The following CNOT6L variants were observed in gnomAD, a reference collection of about 807,000 sequenced individuals.
CNOT6L encodes the protein CCR4-NOT transcription complex subunit 6-like.
A neutral mutation model predicts 64.0 loss-of-function variants in CNOT6L; 7 were observed. That is an observed-to-expected ratio of 0.11 (90% CI 0.06 to 0.21). The LOEUF (loss-of-function observed/expected upper bound fraction) is 0.21, where lower values mean the gene tolerates loss of function less well. Among genes scored for constraint, CNOT6L ranks in the 10% least tolerant of loss-of-function variants. The pLI is 1.00. For missense variants in CNOT6L, 245 were observed against 669.0 expected, an observed-to-expected ratio of 0.37 and a Z score of 6.99; for synonymous variants, 193 against 243.4, an observed-to-expected ratio of 0.79 and a Z score of 1.93.
At chr4:77,801,864 T>C (rs1168178544) in intron 1 of CNOT6L, among the ~76,000 whole-genome samples, 1 of 152,172 alleles carries the variant, frequency 6.6e-6, no homozygotes, top group African/African-American at 2.4e-5. Context: ...ATAGCCACTG[T>C]ATTCCAGCCT....
At chr4:77,771,964 T>A (rs1242190466) in intron 4 of CNOT6L, among the ~76,000 whole-genome samples, 1 of 152,244 alleles carries the variant, frequency 6.6e-6, no homozygotes, top group Non-Finnish European at 1.5e-5. Flanking sequence ...TAAACTCTTG[T>A]ATGCTATGCC....
At chr4:77,804,259 C>T (rs911362471) in intron 1 of CNOT6L, among the ~76,000 whole-genome samples, 1 of 151,910 alleles carries the variant, frequency 6.6e-6, no homozygotes, top group Admixed American at 6.6e-5. Context: ...GAAACACCGT[C>T]TCTACTAAAA....
At chr4:77,803,282 TTTG>T (rs1463268153) in intron 1 of CNOT6L, among the ~76,000 whole-genome samples, 2 of 152,084 alleles carry the variant, frequency 1.3e-5, no homozygotes, top group East Asian at 3.8e-4. Flanking sequence ...TGTATGACTT[TTTG>T]TTATTAAAAT....
At chr4:77,800,046 T>G (rs1191958447) in intron 1 of CNOT6L, among the ~76,000 whole-genome samples, 1 of 146,502 alleles carries the variant, frequency 6.8e-6, no homozygotes. Context: ...TACATAAAAC[T>G]AAGCATGTTA....
At chr4:77,747,848 GTCTACATTATTCTTCCATAAATGTTA>G (rs1255221562) in intron 6 of CNOT6L, among the ~76,000 whole-genome samples, 1 of 152,104 alleles carries the variant, frequency 6.6e-6, no homozygotes, top group Non-Finnish European at 1.5e-5. Flanking sequence ...TATATGTCTA[GTCTACATTATTCTTCCATAAATGTTA>G]TCTATCTCTC....
chr4:77,743,356 G>C (rs1723802056), intron 7 of CNOT6L, among the ~76,000 whole-genome samples: 2 of 151,868 alleles, frequency 1.3e-5, no homozygotes, highest in Non-Finnish European at 2.9e-5. Context: ...ACTAAACCAA[G>C]AAGTAGACAA....
chr4:77,814,799 T>C (rs981808031), intron 1 of CNOT6L, among the ~76,000 whole-genome samples: 7 of 152,220 alleles, frequency 4.6e-5, no homozygotes, highest in Admixed American at 2.0e-4. Context: ...AGCTGAAGTT[T>C]CACATTATAA....
At chr4:77,724,339 C>CA (rs199899988) in intron 11 of CNOT6L, among the ~76,000 whole-genome samples, 5,870 of 119,382 alleles carry the variant, frequency 0.049, 168 homozygotes, top group Middle Eastern at 0.13. Flanking sequence ...GACCCTGTCT[C>CA]AAAAAAAAAA....
chr4:77,753,674 AAAATAAAT>A (rs754652027), intron 5 of CNOT6L, among the ~76,000 whole-genome samples: 2 of 151,988 alleles, frequency 1.3e-5, no homozygotes, highest in Non-Finnish European at 2.9e-5. Flanking sequence ...CCATCTCATA[AAAATAAAT>A]AAATAAATAA....
chr4:77,723,391 A>C (rs1005549274), intron 11 of CNOT6L, among the ~76,000 whole-genome samples: 20 of 152,182 alleles, frequency 1.3e-4, no homozygotes, highest in Admixed American at 5.9e-4. Flanking sequence ...TCACTGATAC[A>C]ATGGCCCCTC....
chr4:77,737,426 TTTTTTTTTTTTTTG>T (rs1432261746), intron 8 of CNOT6L, among the ~76,000 whole-genome samples: 1 of 119,822 alleles, frequency 8.3e-6, no homozygotes, highest in African/African-American at 3.5e-5. Flanking sequence ...TTTTTTTTTT[TTTTTTTTTTTTTTG>T]AGATGGAATC....
chr4:77,793,061 G>A (rs1730351746), intron 1 of CNOT6L, among the ~76,000 whole-genome samples: 1 of 151,652 alleles, frequency 6.6e-6, no homozygotes, highest in South Asian at 2.1e-4. Flanking sequence ...ATGGTGCTAA[G>A]GTTAAAAATC....
chr4:77,819,378 C>A, upstream of CNOT6L: 1 of 1,607,488 alleles, frequency 6.2e-7, no homozygotes, highest in African/African-American at 1.3e-5. Context: ...CACAAACACG[C>A]GCGCGCGCGC....
At chr4:77,788,861 T>G (rs1729764811) in intron 1 of CNOT6L, among the ~76,000 whole-genome samples, 1 of 151,858 alleles carries the variant, frequency 6.6e-6, no homozygotes, top group Non-Finnish European at 1.5e-5. Flanking sequence ...TAATGCCACT[T>G]TCAGGAATTT....
At chr4:77,789,945 CAAAAAAAAA>C (rs58242121) in intron 1 of CNOT6L, among the ~76,000 whole-genome samples, 17 of 83,316 alleles carry the variant, frequency 2.0e-4, no homozygotes, top group African/African-American at 6.8e-4. Flanking sequence ...GACACTGTCT[CAAAAAAAAA>C]AAAAAAAAAA....
At chr4:77,754,393 T>C (rs910422439) in intron 5 of CNOT6L, among the ~76,000 whole-genome samples, 25 of 152,104 alleles carry the variant, frequency 1.6e-4, no homozygotes, top group African/African-American at 3.9e-4. Context: ...GCCCACTACA[T>C]AGAAACTTAA....
intron 1 of CNOT6L, among the ~76,000 whole-genome samples, chr4:77,783,160 A>AAC (rs1234047397): frequency 6.6e-5 from 10 of 151,690 alleles, no homozygotes; most frequent in Non-Finnish European, 1.2e-4. Context: ...CAAAAAAAAA[A>AAC]AAAAAAAAAA....
chr4:77,753,190 A>AG (rs1725044447), intron 5 of CNOT6L, among the ~76,000 whole-genome samples: 2 of 124,700 alleles, frequency 1.6e-5, no homozygotes, highest in African/African-American at 5.5e-5. Flanking sequence ...ACTTCCTACC[A>AG]GAAAAAAAAA....
At chr4:77,819,177 C>T in intron 1 of CNOT6L, 127 bp downstream of exon 1, 11 of 1,590,240 alleles carry the variant, frequency 6.9e-6, no homozygotes, top group Non-Finnish European at 9.4e-6. Context: ...GGGCCGCCTC[C>T]CCGCCCGCCA....
Sources: gnomAD v4.1 joint callset for allele counts (sites outside exome capture counted in the v4.1 genomes callset) on GRCh38, gnomAD v4.1.1 for gene constraint, MANE v1.5 for transcripts, NCBI Gene and HGNC (gene_info 2026-07-23, HGNC 2026-07-21) for gene names.